The following DNAH14 variants were observed in gnomAD, a reference collection of about 807,000 sequenced individuals.
DNAH14 encodes axonemal beta dynein heavy chain 14.
In DNAH14, 478 loss-of-function variants were observed where a neutral mutation model predicts 520.9. That is an observed-to-expected ratio of 0.92 (90% CI 0.85 to 0.99). DNAH14 has a LOEUF of 0.99. Among genes scored for constraint, DNAH14 ranks in the 50% least tolerant of loss-of-function variants. The probability of loss-of-function intolerance (pLI) is 0.00; values close to 1 mark genes in which losing one functional copy is unlikely to be tolerated. For synonymous variants in DNAH14, 1,581 were observed against 1,757.2 expected (o/e 0.90, Z 2.51); for missense variants, 4,831 against 5,234.5 (o/e 0.92, Z 2.38).
At chr1:225,393,977 C>T (rs139546981) in intron 84 of DNAH14, among the ~76,000 whole-genome samples, 1,891 of 152,068 alleles carry the variant, frequency 0.012, 41 homozygotes, top group African/African-American at 0.042. Context: ...CACCACCACA[C>T]CCGGCTAATA....
chr1:225,333,643 C>T, intron 66 of DNAH14, 137 bp downstream of exon 66: 1 of 801,130 alleles, frequency 1.2e-6, no homozygotes, highest in Non-Finnish European at 1.9e-6. Context: ...TAGTTTGTTG[C>T]AGGCCTCGAT....
intron 55 of DNAH14, among the ~76,000 whole-genome samples, chr1:225,293,761 A>G (rs936102540): frequency 6.6e-6 from 1 of 152,238 alleles, no homozygotes; most frequent in East Asian, 1.9e-4. Context: ...ACAAACCCCC[A>G]TGACACAAGT....
chr1:225,048,328 C>A (rs2068150860), intron 15 of DNAH14, among the ~76,000 whole-genome samples: 1 of 152,098 alleles, frequency 6.6e-6, no homozygotes, highest in Non-Finnish European at 1.5e-5. Flanking sequence ...TGGTGAAACC[C>A]TGTCTCTACA....
chr1:225,079,478 C>T lies in DNAH14; in HGVS notation c.2696C>T (p.Thr899Ile), dbSNP rs778341661. ...LSKINKDTAI[T>I]KFRDNLEACI... Reference sequence around the variant, plus strand: ...AAAATAAATAAAGACACTGCTATAACTAAATTCAGAGATAACTTGGAAGCA... The same window carrying T: ...AAAATAAATAAAGACACTGCTATAATTAAATTCAGAGATAACTTGGAAGCA... The change falls in exon 18 of 86, where the codon ACT becomes ATT. Residue 899 changes from threonine to isoleucine, a missense_variant. Thr to Ile is a moderately conservative substitution (Grantham distance 89). Coordinates refer to ENST00000682510, the MANE Select transcript of DNAH14 (RefSeq NM_001367479.1). 2.0e-5 allele frequency: 31 copies of T among 1,542,718 alleles called. 1 individual carries two copies. Among genetic ancestry groups the T allele is most frequent in the Middle Eastern group, 1.7e-4 (1 of 5,994 alleles).
intron 1 of DNAH14, among the ~76,000 whole-genome samples, chr1:224,934,876 A>T (rs1027994727): frequency 6.6e-6 from 1 of 151,956 alleles, no homozygotes; most frequent in African/African-American, 2.4e-5. Context: ...GATATATTCA[A>T]AATGCCAAAA....
intron 43 of DNAH14, among the ~76,000 whole-genome samples, chr1:225,249,904 C>A (rs1439179066): frequency 6.6e-6 from 1 of 152,156 alleles, no homozygotes; most frequent in Non-Finnish European, 1.5e-5. Context: ...CATAATGTAT[C>A]ATTTATCAGT....
chr1:225,379,848 T>C (rs2095757352), intron 79 of DNAH14, among the ~76,000 whole-genome samples: 3 of 152,172 alleles, frequency 2.0e-5, no homozygotes, highest in Admixed American at 2.0e-4. Context: ...TTAATTGACA[T>C]AATAATTGTA....
chr1:224,947,389 C>T (rs529006596), intron 1 of DNAH14, among the ~76,000 whole-genome samples: 54 of 151,418 alleles, frequency 3.6e-4, no homozygotes, highest in African/African-American at 1.2e-3. Context: ...ACCTTTTATT[C>T]TTCTATATAA....
intron 6 of DNAH14, chr1:224,967,836 G>T: frequency 2.3e-6 from 3 of 1,310,740 alleles, no homozygotes; most frequent in Non-Finnish European, 2.9e-6. Context: ...AATACTTGGG[G>T]TAAATTTTTA....
chr1:225,129,057 C>G (rs2078087602), intron 27 of DNAH14, among the ~76,000 whole-genome samples: 1 of 152,132 alleles, frequency 6.6e-6, no homozygotes, highest in East Asian at 1.9e-4. Context: ...TGAGTGAACT[C>G]CCATTCACAA....
In DNAH14 at chr1:225,079,246, A is replaced by G. The variant is rs2072812241; in HGVS notation, c.2464A>G (p.Thr822Ala). The change falls in exon 18 of 86, where the codon ACT (threonine) becomes GCT (alanine). Residue 822 changes from threonine (T) to alanine (A), a missense_variant. Coordinates refer to ENST00000682510, the MANE Select transcript of DNAH14 (RefSeq NM_001367479.1). ...SSLQQLECDPTEIEEFLEHFI... is the reference protein window; with the variant it reads ...SSLQQLECDPAEIEEFLEHFI... ...ATTGCAGCAGCTGGAATGTGATCCC[A>G]CTGAAATAGAAGAATTTCTGGAGCA... 3 of 1,548,220 alleles carry G rather than the reference A, an allele frequency of 1.9e-6. No individual in the cohort carries two copies. The highest frequency in any genetic ancestry group is 1.7e-6 in the Non-Finnish European group (2 of 1,146,384).
chr1:225,038,757 T>C lies in DNAH14; in HGVS notation c.1422T>C (p.Asp474=). ...CAAATGATTGTGAAGAACTTGTTGA[T>C]AATTCAAAGTTACATGCTATTTCTG... The part of the protein sequence containing the change: ...KTTNDCEELV[D]NSKLHAISVQ... Residue 474 remains aspartate, a synonymous_variant, in exon 12 of 86, where the codon GAT becomes GAC. Transcript: ENST00000682510. 6.5e-7 allele frequency: 1 copy of C among 1,537,726 alleles called. No homozygotes were observed. Among genetic ancestry groups the C allele is most frequent in the Non-Finnish European group, 8.8e-7 (1 of 1,142,048 alleles).
At position 224,979,054 on chromosome 1, in the gene DNAH14, T is replaced by C. The variant is rs535829485; in HGVS notation, c.830+4901T>C. ...CACATTGTGTACATTTATTAAAATA[T>C]CACAATTATTTGGATTAGGGGTGGG... On this transcript the variant is annotated intron_variant, in intron 8 of 85. Coordinates refer to ENST00000682510, the MANE Select transcript of DNAH14 (RefSeq NM_001367479.1). Among the ~76,000 whole-genome samples, 116 of 152,292 alleles carry C rather than the reference T, an allele frequency of 7.6e-4. 1 individual carries two copies. Among genetic ancestry groups the C allele is most frequent in the African/African-American group, 2.7e-3 (113 of 41,572 alleles).
At chr1:225,211,387 A>G (rs954564052) in intron 41 of DNAH14, among the ~76,000 whole-genome samples, 6 of 152,214 alleles carry the variant, frequency 3.9e-5, no homozygotes, top group African/African-American at 1.4e-4. Flanking sequence ...GAATAGATCA[A>G]TCAGAAGAAA....
At position 225,089,696 on chromosome 1, in the gene DNAH14, T is replaced by C. The variant is rs143010402; in HGVS notation, c.3573+3907T>C. Among the ~76,000 whole-genome samples, 9 of 152,222 alleles carry C rather than the reference T, an allele frequency of 5.9e-5. 1 individual carries two copies. In the East Asian group the frequency reaches 1.7e-3, roughly 29 times the overall value. ...TTAACATTCAAAAATCAATCTACAA[T>C]TTGCCATATTAAACATAAACAGGAA... is the stretch of plus-strand genomic sequence containing the variant. On this transcript the variant is annotated intron_variant, in intron 21 of 85. Transcript: ENST00000682510.
rs57383022 is a variant in DNAH14 at position 225,226,360 on chromosome 1, C to T, written c.6440-4713C>T. On this transcript the variant is annotated intron_variant, in intron 41 of 85. Coordinates refer to ENST00000682510, the MANE Select transcript of DNAH14 (RefSeq NM_001367479.1). ...AAAGTTCTAACCTTTATTGTGTGCC[C>T]GCCCAAACACAATTATGGCTACATC... Among the ~76,000 whole-genome samples, 762 of 152,282 alleles carry T rather than the reference C, an allele frequency of 5.0e-3. 4 individuals are homozygous for T. Among genetic ancestry groups the T allele is most frequent in the African/African-American group, 0.017 (704 of 41,550 alleles).
At chr1:225,277,637 C>T (rs1450483894) in intron 54 of DNAH14, 135 bp downstream of exon 54, 1 of 373,470 alleles carries the variant, frequency 2.7e-6, no homozygotes, top group African/African-American at 2.1e-5. Flanking sequence ...TAGGGCAGGA[C>T]TCTTGTCCTC....
chr1:225,240,483 C>A, intron 42 of DNAH14, 110 bp from the exon 43 acceptor site: 1 of 657,780 alleles, frequency 1.5e-6, no homozygotes, highest in Non-Finnish European at 2.5e-6. Context: ...TACCTAACTG[C>A]ATTACAATTT....
At chr1:225,372,057 G>A (rs1264735897) in intron 77 of DNAH14, among the ~76,000 whole-genome samples, 1 of 152,082 alleles carries the variant, frequency 6.6e-6, no homozygotes, top group African/African-American at 2.4e-5. Context: ...AGGTTACATA[G>A]GTAATAAGTG....
Sources: allele counts gnomAD v4.1 joint callset (sites outside exome capture counted in the v4.1 genomes callset), GRCh38; gene constraint gnomAD v4.1.1; transcripts MANE v1.5; gene names NCBI Gene and HGNC (gene_info 2026-07-23, HGNC 2026-07-21).